TMEM230: variants seen among roughly 807,000 people sequenced by gnomAD.
The protein encoded by TMEM230 is transmembrane protein 230.
Under a neutral mutation model 15.8 loss-of-function variants are expected in TMEM230, and 10 were observed. The observed-to-expected ratio is 0.63, with a 90% CI of 0.39 to 1.07. The LOEUF is 1.07. Among genes scored for constraint, TMEM230 ranks in the 50% least tolerant of loss-of-function variants. TMEM230 has a pLI of 0.01. For synonymous variants in TMEM230, 67 were observed against 76.9 expected (o/e 0.87, Z 0.68); for missense variants, 165 against 193.3 (o/e 0.85, Z 0.87).
At chr20:5,106,059 C>A (rs1463681506) in intron 4 of TMEM230, 129 bp downstream of exon 3, 1 of 1,386,366 alleles carries the variant, frequency 7.2e-7, no homozygotes, top group Non-Finnish European at 9.5e-7. Context: ...TCAAAAAAAA[C>A]AGACCACTGG....
chr20:5,090,350 A>C (rs906254859), intron 3 of TMEM230, among the ~76,000 whole-genome samples: 12 of 152,228 alleles, frequency 7.9e-5, no homozygotes, highest in Non-Finnish European at 1.3e-4. Context: ...AACACTGAAG[A>C]CAATTCTACA....
At position 5,069,712 on chromosome 20, in the gene TMEM230, CTTTCCTT is replaced by C. The variant is rs1190646587; in HGVS notation, c.223-370_223-364del. Among the ~76,000 whole-genome samples, 10 of 150,496 alleles carry C rather than the reference CTTTCCTT, an allele frequency of 6.6e-5. No homozygotes were observed. The East Asian group carries it at 1.9e-3, about 29-fold the overall frequency. On this transcript the variant is annotated intron_variant, in intron 3 of 3. Transcript: ENST00000612323. ...TTCCCTTCCCTTCCCTTTCCTTTTCCTTTCCTTTTTCCTTTGTGAGACAGTCTCCCTC... is the reference window on the plus strand; with the variant it reads ...TTCCCTTCCCTTCCCTTTCCTTTTCCTTTCCTTTGTGAGACAGTCTCCCTC...
At chr20:5,091,242 T>A (rs2089496685) in intron 3 of TMEM230, among the ~76,000 whole-genome samples, 1 of 152,140 alleles carries the variant, frequency 6.6e-6, no homozygotes. Flanking sequence ...TTTTTTGAGA[T>A]GGAGCTTCGC....
intron 3 of TMEM230, among the ~76,000 whole-genome samples, chr20:5,108,679 T>G (rs2090190331): frequency 6.6e-6 from 1 of 152,202 alleles, no homozygotes; most frequent in African/African-American, 2.4e-5. Context: ...TAAAGGATGG[T>G]TTCCTGCTAC....
intron 3 of TMEM230, among the ~76,000 whole-genome samples, chr20:5,089,466 G>A (rs537441004): frequency 5.9e-5 from 9 of 152,116 alleles, no homozygotes; most frequent in East Asian, 3.9e-4. Flanking sequence ...TTGGGAGGCC[G>A]TGGTGGGAAG....
downstream of TMEM230, chr20:5,099,770 A>G: frequency 1.2e-6 from 1 of 852,078 alleles, no homozygotes; most frequent in Non-Finnish European, 1.4e-6. Context: ...GTGACCCACA[A>G]TGCCAGCTAC....
chr20:5,099,743 G>T, downstream of TMEM230: 1 of 645,874 alleles, frequency 1.5e-6, no homozygotes, highest in Non-Finnish European at 1.9e-6. Flanking sequence ...TAACCTCAGA[G>T]TTAGGGAAAG....
chr20:5,095,409 G>A (rs922114149), downstream of TMEM230, among the ~76,000 whole-genome samples: 7 of 152,040 alleles, frequency 4.6e-5, no homozygotes, highest in African/African-American at 1.7e-4. Context: ...TCCTGCCACC[G>A]ACCTTCCTCA....
At chr20:5,101,962 A>G (rs1328870478) in intron 4 of TMEM230, among the ~76,000 whole-genome samples, 1 of 152,250 alleles carries the variant, frequency 6.6e-6, no homozygotes, top group Non-Finnish European at 1.5e-5. Context: ...AAATACTGAC[A>G]GTATGTCCAT....
chr20:5,112,436 C>CT (rs2090363367), intron 1 of TMEM230, among the ~76,000 whole-genome samples: 1 of 152,104 alleles, frequency 6.6e-6, no homozygotes, highest in Non-Finnish European at 1.5e-5. Flanking sequence ...TGCAATTAGA[C>CT]TTTTTTTTAA....
intron 3 of TMEM230, among the ~76,000 whole-genome samples, chr20:5,077,190 C>A (rs546406921): frequency 2.9e-4 from 44 of 152,048 alleles, no homozygotes; most frequent in African/African-American, 1.0e-3. Context: ...GCCTGTAGTC[C>A]CAGCTACTCG....
intron 4 of TMEM230, among the ~76,000 whole-genome samples, chr20:5,102,688 CAAAAAAAAA>C (rs58106156): frequency 1.2e-5 from 1 of 83,018 alleles, no homozygotes; most frequent in Non-Finnish European, 2.7e-5. Flanking sequence ...GACCCTGTCT[CAAAAAAAAA>C]AAAAAAAAAA....
chr20:5,059,996 T>C, the TMEM230 span, among the ~76,000 whole-genome samples: 1 of 152,272 alleles, frequency 6.6e-6, no homozygotes, highest in Admixed American at 6.5e-5. Flanking sequence ...GGTCTCAAAC[T>C]CCTGACCTGA....
intron 3 of TMEM230, among the ~76,000 whole-genome samples, chr20:5,083,285 A>ATTTTTTTTTTTTTTTTTTT (rs71197748): frequency 1.7e-5 from 2 of 119,938 alleles, no homozygotes; most frequent in African/African-American, 3.3e-5. Context: ...GGTTAGGGAG[A>ATTTTTTTTTTTTTTTTTTT]TTTTTTTTTT....
At chr20:5,063,390 C>T (rs1045103599), downstream of TMEM230, among the ~76,000 whole-genome samples, 1 of 143,846 alleles carries the variant, frequency 7.0e-6, no homozygotes, top group Admixed American at 7.4e-5. Flanking sequence ...CAGTTTCAAG[C>T]AATTCTCCTG....
intron 3 of TMEM230, among the ~76,000 whole-genome samples, chr20:5,089,723 A>G (rs1026738057): frequency 6.6e-6 from 1 of 151,866 alleles, no homozygotes; most frequent in Non-Finnish European, 1.5e-5. Flanking sequence ...ACAAAAACAA[A>G]AAACAGTAGT....
At chr20:5,103,169 G>A (rs1371234352) in intron 4 of TMEM230, among the ~76,000 whole-genome samples, 1 of 152,164 alleles carries the variant, frequency 6.6e-6, no homozygotes, top group Admixed American at 6.5e-5. Flanking sequence ...CACACAACGG[G>A]AAACATAGTC....
intron 3 of TMEM230, among the ~76,000 whole-genome samples, chr20:5,076,676 C>CTTTTTTTTTTTTTTTTTTTTTTTTTTTT (rs763498321): frequency 7.8e-6 from 1 of 127,484 alleles, no homozygotes; most frequent in African/African-American, 3.1e-5. Context: ...GATTGATATT[C>CTTTTTTTTTTTTTTTTTTTTTTTTTTTT]TTTTTTTTTT....
chr20:5,100,760 C>T lies in TMEM230; in HGVS notation c.*31G>A, dbSNP rs1396376924. On this transcript the variant is annotated 3_prime_UTR_variant, in exon 5 of 5. Coordinates refer to ENST00000342308, the MANE Select transcript of TMEM230 (RefSeq NM_001009923.2). The stretch of plus-strand genomic sequence containing the variant: ...ATATCTTAAAGCTGGGACAGTTCCA[C>T]TGTGACTCCTCCTCAGCTATGGGGT... The T allele has an allele frequency of 1.2e-6, 2 of 1,611,406 alleles. No homozygotes were observed. The highest frequency in any genetic ancestry group is 1.7e-5 in the Admixed American group (1 of 59,938).
Sources: gnomAD v4.1 joint callset for allele counts (sites outside exome capture counted in the v4.1 genomes callset) on GRCh38, gnomAD v4.1.1 for gene constraint, MANE v1.5 for transcripts, NCBI Gene and HGNC (gene_info 2026-07-23, HGNC 2026-07-21) for gene names.